Variants in ASIC2 observed in about 807,000 individuals in gnomAD.
ASIC2 encodes acid-sensing ion channel 2.
ASIC2 carries 25 observed loss-of-function variants against 57.3 expected under a neutral mutation model. That is an observed-to-expected ratio of 0.44 (90% CI 0.32 to 0.61). The LOEUF (loss-of-function observed/expected upper bound fraction) is 0.61. Ranked by LOEUF, ASIC2 falls within the 20% of genes least tolerant of loss-of-function variation. The pLI, the probability that ASIC2 is intolerant of heterozygous loss-of-function variation, is 0.06. For synonymous variants in ASIC2, 319 were observed against 307.5 expected, an observed-to-expected ratio of 1.04 and a Z score of -0.39; for missense variants, 641 against 738.1, an observed-to-expected ratio of 0.87 and a Z score of 1.52.
At chr17:33,596,739 A>G (rs1904990539) in intron 1 of ASIC2, among the ~76,000 whole-genome samples, 4 of 152,016 alleles carry the variant, frequency 2.6e-5, no homozygotes. Context: ...CCATGTCAAT[A>G]TCAAATTCAT....
chr17:33,084,300 C>T (rs551686639), intron 3 of ASIC2, among the ~76,000 whole-genome samples: 2 of 152,292 alleles, frequency 1.3e-5, no homozygotes, highest in Admixed American at 6.5e-5. Flanking sequence ...AGAATCCAGG[C>T]CTCTGGACTC....
chr17:33,609,063 A>C (rs1905310148), intron 1 of ASIC2, among the ~76,000 whole-genome samples: 1 of 152,198 alleles, frequency 6.6e-6, no homozygotes, highest in South Asian at 2.1e-4. Context: ...TCATCCTGCC[A>C]CAAAGACATG....
upstream of ASIC2, among the ~76,000 whole-genome samples, chr17:33,296,781 A>G (rs1358088452): frequency 6.6e-6 from 1 of 152,242 alleles, no homozygotes; most frequent in Admixed American, 6.5e-5. Context: ...TACAATTTTC[A>G]GAGCTGACAC....
chr17:33,597,525 T>A (rs1905017721), intron 1 of ASIC2, among the ~76,000 whole-genome samples: 1 of 152,320 alleles, frequency 6.6e-6, no homozygotes, highest in South Asian at 2.1e-4. Flanking sequence ...GACTTAGCTT[T>A]TTTTTTCAAG....
chr17:33,478,475 T>A (rs2141924970), intron 1 of ASIC2, among the ~76,000 whole-genome samples: 1 of 152,350 alleles, frequency 6.6e-6, no homozygotes, highest in Non-Finnish European at 1.5e-5. Context: ...TGCTCATGAA[T>A]GAACATGCTA....
chr17:34,037,865 T>C, intron 1 of ASIC2: 1 of 1,613,958 alleles, frequency 6.2e-7, no homozygotes. Flanking sequence ...CGTATTCTCT[T>C]GTAGGATGTC....
chr17:33,216,574 G>A (rs396025), intron 1 of ASIC2, among the ~76,000 whole-genome samples: 106,672 of 152,074 alleles, frequency 0.7, 37,680 homozygotes, highest in Non-Finnish European at 0.75. Context: ...ACTTGAAGGG[G>A]AGACATTGAC....
chr17:33,064,005 C>T (rs1033017826), intron 3 of ASIC2, among the ~76,000 whole-genome samples: 2 of 152,248 alleles, frequency 1.3e-5, no homozygotes, highest in Non-Finnish European at 2.9e-5. Flanking sequence ...TGGTTTTCAG[C>T]TCCATCAGGT....
rs143249798 is a variant in ASIC2, at chr17:33,748,544, C to T, written c.555+407434G>A. ...GGAAAGAAAAAACAGAAACCCAGACCCCAATTCACTAACTCATCATGGGTA... is the reference window on the plus strand; with the variant it reads ...GGAAAGAAAAAACAGAAACCCAGACTCCAATTCACTAACTCATCATGGGTA... On this transcript the variant is annotated intron_variant, in intron 1 of 9. Coordinates refer to the ASIC2 transcript ENST00000359872. 8.5e-5 allele frequency among the ~76,000 whole-genome samples: 13 copies of T among 152,248 alleles called. No individual in the cohort carries two copies. The East Asian group carries it at 2.5e-3, about 29-fold the overall frequency.
intron 1 of ASIC2, among the ~76,000 whole-genome samples, chr17:33,245,596 T>C (rs935813258): frequency 1.3e-5 from 2 of 152,192 alleles, no homozygotes; most frequent in Admixed American, 1.3e-4. Context: ...AGGAATGATG[T>C]TCAGGAATGA....
At chr17:33,431,377 C>T (rs373805024) in intron 1 of ASIC2, among the ~76,000 whole-genome samples, 40 of 152,128 alleles carry the variant, frequency 2.6e-4, no homozygotes, top group East Asian at 9.7e-4. Context: ...GAGGTCGAGG[C>T]GGGCAGATCA....
intron 1 of ASIC2, among the ~76,000 whole-genome samples, chr17:33,127,583 CT>C (rs748372529): frequency 1.3e-5 from 2 of 152,180 alleles, no homozygotes; most frequent in Non-Finnish European, 2.9e-5. Context: ...TTTCACAACT[CT>C]TTTTCTCAAA....
intron 1 of ASIC2, among the ~76,000 whole-genome samples, chr17:33,579,672 G>T (rs568335448): frequency 6.6e-6 from 1 of 152,070 alleles, no homozygotes; most frequent in Non-Finnish European, 1.5e-5. Context: ...TGGTCTGGCA[G>T]ACTTCTAGAG....
chr17:34,143,951 C>T (rs1178159960), intron 1 of ASIC2, among the ~76,000 whole-genome samples: 1 of 152,092 alleles, frequency 6.6e-6, no homozygotes. Flanking sequence ...TATAGCAACA[C>T]AAAACAGACT....
chr17:34,116,628 T>G (rs140136726), intron 1 of ASIC2, among the ~76,000 whole-genome samples: 255 of 152,298 alleles, frequency 1.7e-3, no homozygotes, highest in African/African-American at 6.0e-3. Flanking sequence ...CTGAAAAAGC[T>G]TCTGCCTGCT....
At chr17:33,850,552 A>C (rs1188591484) in intron 1 of ASIC2, among the ~76,000 whole-genome samples, 1 of 152,184 alleles carries the variant, frequency 6.6e-6, no homozygotes, top group Non-Finnish European at 1.5e-5. Context: ...AGAACATGAA[A>C]ACAGTTGATC....
intron 1 of ASIC2, among the ~76,000 whole-genome samples, chr17:33,597,079 A>C (rs188197425): frequency 2.0e-5 from 3 of 150,806 alleles, no homozygotes; most frequent in Non-Finnish European, 4.5e-5. Context: ...GCTTCATGAC[A>C]GGCTGGCAGG....
intron 1 of ASIC2, among the ~76,000 whole-genome samples, chr17:33,598,029 A>G (rs907329640): frequency 1.3e-5 from 2 of 152,230 alleles, no homozygotes; most frequent in African/African-American, 4.8e-5. Flanking sequence ...TTGCTTTAAT[A>G]ATTAATGAAT....
chr17:33,660,488 A>G (rs924437803), intron 1 of ASIC2, among the ~76,000 whole-genome samples: 2 of 151,962 alleles, frequency 1.3e-5, no homozygotes, highest in African/African-American at 4.8e-5. Context: ...CTTTTTAAGG[A>G]TTTTTGTTAA....
Sources: allele counts gnomAD v4.1 joint callset (sites outside exome capture counted in the v4.1 genomes callset), GRCh38; gene constraint gnomAD v4.1.1; transcripts MANE v1.5; gene names NCBI Gene and HGNC (gene_info 2026-07-23, HGNC 2026-07-21).